The following ZMYM4 variants were observed in gnomAD, a reference collection of about 807,000 sequenced individuals.
ZMYM4 encodes the protein zinc finger MYM-type containing 4.
Under a neutral mutation model 183.2 loss-of-function variants are expected in ZMYM4, and 31 were observed. The observed-to-expected ratio is 0.17, with a 90% CI of 0.13 to 0.23. ZMYM4 has a LOEUF of 0.23. Among genes scored for constraint, ZMYM4 ranks in the 10% least tolerant of loss-of-function variants. The pLI, the probability that ZMYM4 is intolerant of heterozygous loss-of-function variation, is 1.00. For synonymous variants in ZMYM4, 592 were observed against 631.2 expected (o/e 0.94, Z 0.93); for missense variants, 1,273 against 1,840.3 (o/e 0.69, Z 5.64).
intron 1 of ZMYM4, among the ~76,000 whole-genome samples, chr1:35,321,212 G>T (rs1251483665): frequency 6.6e-6 from 1 of 152,178 alleles, no homozygotes; most frequent in African/African-American, 2.4e-5. Flanking sequence ...CAGTCACATT[G>T]GTCGTAGTAT....
In ZMYM4 at chr1:35,359,001, T is replaced by C. The variant is rs541025061; in HGVS notation, c.162T>C (p.Tyr54=). 25 of 1,613,830 alleles carry C rather than the reference T, an allele frequency of 1.5e-5. No individual in the cohort carries two copies. The highest frequency in any genetic ancestry group is 4.5e-5 in the East Asian group (2 of 44,848). ...NLTPTLDSMS[Y]GMPNQTGSEN... ...CTCCTACCCTTGACAGCATGTCTTATGGAATGCCGAATCAAACAGGATCTG... is the reference window on the plus strand; with the variant it reads ...CTCCTACCCTTGACAGCATGTCTTACGGAATGCCGAATCAAACAGGATCTG... Residue 54 remains tyrosine, a synonymous_variant, in exon 3 of 30, where the codon TAT becomes TAC. Transcript: ENST00000314607.
Position 35,412,281 on chromosome 1 carries a change from A to T in ZMYM4, c.3949-1691A>T, listed in dbSNP as rs1481016446. ...TGCAACTTGGCTGGATTCACTTATT[A>T]GCTCTAATAATTCATTTTTCTGTGT... is the stretch of plus-strand genomic sequence containing the variant. On this transcript the variant is annotated intron_variant, in intron 26 of 29. Transcript: ENST00000314607. 2.6e-5 allele frequency among the ~76,000 whole-genome samples: 4 copies of T among 152,062 alleles called. No individual in the cohort carries two copies. The East Asian group carries it at 7.7e-4, about 29-fold the overall frequency.
chr1:35,338,031 A>G (rs1015646655), intron 2 of ZMYM4, among the ~76,000 whole-genome samples: 13 of 152,352 alleles, frequency 8.5e-5, no homozygotes. Flanking sequence ...TTTGAATTTA[A>G]TGTAATTTTT....
Position 35,408,176 on chromosome 1 carries a change from A to G in ZMYM4, c.3948+17A>G, listed in dbSNP as rs1280839789. The G allele has an allele frequency of 1.2e-5, 20 of 1,613,644 alleles. No homozygotes were observed. The highest frequency in any genetic ancestry group is 2.2e-5 in the East Asian group (1 of 44,876). On this transcript the variant is annotated intron_variant, in intron 26 of 29. Coordinates refer to ENST00000314607, the MANE Select transcript of ZMYM4 (RefSeq NM_005095.3). Reference sequence around the variant, plus strand: ...ATTCAACAGGTATCAAGTTAAACATATGGATTCTTCAACCTAGCAAATCCA... The same window carrying G: ...ATTCAACAGGTATCAAGTTAAACATGTGGATTCTTCAACCTAGCAAATCCA...
rs576642893 is a variant in ZMYM4, at chr1:35,380,314, T to TTTATTTTA, written c.1182-943_1182-942insATTTTATT. 5.3e-5 allele frequency among the ~76,000 whole-genome samples: 8 copies of TTTATTTTA among 151,310 alleles called. No homozygotes were observed. In the South Asian group the frequency reaches 1.5e-3, roughly 28 times the overall value. ...TTGGTTTTTATTATTTATTTATTTA[T>TTTATTTTA]TTTATTTATTTATTTATTTATTTAT... On this transcript the variant is annotated intron_variant, in intron 7 of 29. Coordinates refer to ENST00000314607, the MANE Select transcript of ZMYM4 (RefSeq NM_005095.3).
At position 35,415,451 on chromosome 1, in the gene ZMYM4, C is replaced by G. The variant is rs1428020242; in HGVS notation, c.4061-15C>G. On this transcript the variant is annotated splice_polypyrimidine_tract_variant and intron_variant, in intron 27 of 29. Transcript: ENST00000314607. The stretch of plus-strand genomic sequence containing the variant: ...GGAGCTCAGTACTGTTTCTTGTACC[C>G]CTTCTTCTGTCTAGGTTACATGTTC... 2 of 1,614,022 alleles carry G rather than the reference C, an allele frequency of 1.2e-6. No individual in the cohort carries two copies. The highest frequency in any genetic ancestry group is 3.3e-5 in the Admixed American group (2 of 60,008).
intron 27 of ZMYM4, 39 bp from the exon 28 acceptor site, chr1:35,415,427 G>C: frequency 1.2e-6 from 2 of 1,609,806 alleles, no homozygotes; most frequent in Non-Finnish European, 1.7e-6. Context: ...ACTTTAGCAG[G>C]AGCTCAGTAC....
intron 1 of ZMYM4, among the ~76,000 whole-genome samples, chr1:35,321,910 C>T (rs987196674): frequency 4.0e-5 from 6 of 151,234 alleles, no homozygotes; most frequent in Admixed American, 2.6e-4. Flanking sequence ...TACTCACATA[C>T]CTAAGCCATA....
In ZMYM4 at chr1:35,316,666, A is replaced by G. The variant is rs546200465; in HGVS notation, c.40-8694A>G. Among the ~76,000 whole-genome samples, 5 of 152,328 alleles carry G rather than the reference A, an allele frequency of 3.3e-5. No homozygotes were observed. The East Asian group carries it at 9.6e-4, about 29-fold the overall frequency. Reference sequence around the variant, plus strand: ...TATGTGACATTTTATGAAAATGGATACTCAAGAGGAGAGAATTTGCAAAAA... The same window carrying G: ...TATGTGACATTTTATGAAAATGGATGCTCAAGAGGAGAGAATTTGCAAAAA... On this transcript the variant is annotated intron_variant, in intron 1 of 29. Coordinates refer to ENST00000314607, the MANE Select transcript of ZMYM4 (RefSeq NM_005095.3).
At chr1:35,280,709 G>C (rs1169772369) in intron 1 of ZMYM4, among the ~76,000 whole-genome samples, 2 of 152,056 alleles carry the variant, frequency 1.3e-5, no homozygotes, top group Non-Finnish European at 2.9e-5. Context: ...GATTACTCCA[G>C]TTTTTGCCTC....
chr1:35,271,400 T>TTTA (rs1247422544), intron 1 of ZMYM4, among the ~76,000 whole-genome samples: 5 of 151,578 alleles, frequency 3.3e-5, no homozygotes, highest in African/African-American at 7.3e-5. Context: ...CAGTAAAAAC[T>TTTA]TTATTATTAT....
chr1:35,377,963 T>A (rs1644370095), intron 7 of ZMYM4, among the ~76,000 whole-genome samples: 1 of 152,244 alleles, frequency 6.6e-6, no homozygotes, highest in African/African-American at 2.4e-5. Flanking sequence ...ACTCCACCAT[T>A]GCTTTATCAA....
At chr1:35,305,136 G>A (rs1313954274) in intron 1 of ZMYM4, among the ~76,000 whole-genome samples, 9 of 152,144 alleles carry the variant, frequency 5.9e-5, no homozygotes, top group Non-Finnish European at 8.8e-5. Context: ...GAGCGACTGC[G>A]CCCAGCCCAC....
intron 3 of ZMYM4, 101 bp downstream of exon 3, chr1:35,359,547 T>A: frequency 8.7e-7 from 1 of 1,143,146 alleles, no homozygotes; most frequent in Non-Finnish European, 1.2e-6. Context: ...TATGAACGGT[T>A]AAATTCATTG....
In ZMYM4 at chr1:35,398,873, G is replaced by A; in HGVS notation, c.3263G>A (p.Ser1088Asn). ...DTKIFEKDQGSTYSGDLESEA... is the reference protein window; with the variant it reads ...DTKIFEKDQGNTYSGDLESEA... Reference sequence around the variant, plus strand: ...TATCTATATATTTCAGACCAAGGAAGTACATACAGTGGTGATCTTGAATCA... The same window carrying A: ...TATCTATATATTTCAGACCAAGGAAATACATACAGTGGTGATCTTGAATCA... The change falls in exon 22 of 30, where the codon AGT becomes AAT. Residue 1088 changes from serine to asparagine, a missense_variant. Physicochemically the swap from Ser to Asn is conservative, Grantham distance 46. Around this residue, in one of 6 missense-constraint regions of ZMYM4, gnomAD observed 290 missense variants for 353.3 expected, o/e 0.82. Transcript: ENST00000314607. 6.2e-7 allele frequency: 1 copy of A among 1,614,018 alleles called. No individual in the cohort carries two copies. The highest frequency in any genetic ancestry group is 8.5e-7 in the Non-Finnish European group (1 of 1,179,920).
At chr1:35,379,673 G>A (rs1644410562) in intron 7 of ZMYM4, among the ~76,000 whole-genome samples, 2 of 152,208 alleles carry the variant, frequency 1.3e-5, no homozygotes, top group Non-Finnish European at 2.9e-5. Context: ...TCCTCACTAA[G>A]AGTAATCATT....
At chr1:35,269,209 T>C (rs1286634790) in intron 1 of ZMYM4, 124 bp downstream of exon 1, 4 of 1,061,710 alleles carry the variant, frequency 3.8e-6, no homozygotes, top group Non-Finnish European at 4.9e-6. Flanking sequence ...TGCGGGCAGG[T>C]CTGAGGCAGC....
intron 25 of ZMYM4, among the ~76,000 whole-genome samples, chr1:35,406,315 T>G (rs951608051): frequency 8.5e-5 from 13 of 152,258 alleles, no homozygotes; most frequent in Non-Finnish European, 1.9e-4. Flanking sequence ...ACTCCTGTTG[T>G]GGAGATTTAC....
At chr1:35,299,736 T>C (rs1641187825) in intron 1 of ZMYM4, among the ~76,000 whole-genome samples, 1 of 152,078 alleles carries the variant, frequency 6.6e-6, no homozygotes, top group African/African-American at 2.4e-5. Context: ...GTTACACTCT[T>C]ATGCAAACAT....
Sources: allele counts gnomAD v4.1 joint callset (sites outside exome capture counted in the v4.1 genomes callset), GRCh38; gene constraint gnomAD v4.1.1; regional missense constraint gnomAD v4.1.1; transcripts MANE v1.5; gene names NCBI Gene and HGNC (gene_info 2026-07-23, HGNC 2026-07-21).